Variants in EPHA6 observed in about 807,000 individuals in gnomAD.
The protein encoded by EPHA6 is ephrin type-A receptor 6.
EPHA6 carries 50 observed loss-of-function variants against 112.0 expected under a neutral mutation model. The ratio of observed to expected loss-of-function variants is 0.45; its 90% CI spans 0.36 to 0.56. EPHA6 has a LOEUF of 0.56. EPHA6 is among the 20% of genes least tolerant of loss of function. EPHA6 has a pLI of 0.00. For missense variants in EPHA6, 1,280 were observed against 1,417.4 expected (o/e 0.90, Z 1.56); for synonymous variants, 529 against 490.7 (o/e 1.08, Z -1.03).
intron 5 of EPHA6, among the ~76,000 whole-genome samples, chr3:97,355,330 A>G (rs1352828562): frequency 6.6e-6 from 1 of 152,234 alleles, no homozygotes; most frequent in Non-Finnish European, 1.5e-5. Flanking sequence ...ACAATATAAT[A>G]AGATATAAAT....
chr3:96,840,903 A>G (rs962752698), intron 1 of EPHA6, among the ~76,000 whole-genome samples: 10 of 152,136 alleles, frequency 6.6e-5, no homozygotes, highest in African/African-American at 2.4e-4. Context: ...GGAACCTACC[A>G]GAGCTTTAAA....
At chr3:97,613,618 G>T (rs1425230437) in intron 13 of EPHA6, among the ~76,000 whole-genome samples, 1 of 152,122 alleles carries the variant, frequency 6.6e-6, no homozygotes, top group Non-Finnish European at 1.5e-5. Flanking sequence ...CAGAGGGGCA[G>T]TGTAGTCAAG....
intron 3 of EPHA6, among the ~76,000 whole-genome samples, chr3:97,053,432 A>T (rs563824074): frequency 5.3e-4 from 80 of 152,284 alleles, no homozygotes; most frequent in Middle Eastern, 3.4e-3. Flanking sequence ...AGGAAAGTAT[A>T]GGAATTCCTC....
chr3:97,330,694 A>C (rs527937673), intron 5 of EPHA6, among the ~76,000 whole-genome samples: 14 of 152,242 alleles, frequency 9.2e-5, no homozygotes, highest in African/African-American at 3.4e-4. Context: ...AAGAAGAGCT[A>C]ACTATCCTAA....
At chr3:97,596,164 CA>C (rs2093589161) in intron 12 of EPHA6, among the ~76,000 whole-genome samples, 1 of 152,146 alleles carries the variant, frequency 6.6e-6, no homozygotes, top group African/African-American at 2.4e-5. Context: ...CTCTGCCTCC[CA>C]AAGTGCTGGG....
intron 2 of EPHA6, among the ~76,000 whole-genome samples, chr3:96,896,977 T>G (rs1248794711): frequency 1.3e-5 from 2 of 152,154 alleles, no homozygotes; most frequent in East Asian, 1.9e-4. Flanking sequence ...GGAAAAATTG[T>G]TATGAAAACA....
intron 7 of EPHA6, among the ~76,000 whole-genome samples, chr3:97,461,973 CA>C (rs1488579111): frequency 6.6e-6 from 1 of 152,154 alleles, no homozygotes; most frequent in Non-Finnish European, 1.5e-5. Context: ...CTATGGTAAT[CA>C]AATTACTTAG....
intron 13 of EPHA6, among the ~76,000 whole-genome samples, chr3:97,626,448 G>A (rs1001463253): frequency 6.6e-6 from 1 of 151,816 alleles, no homozygotes; most frequent in African/African-American, 2.4e-5. Context: ...ACTATGGTTT[G>A]TAGAGCATGT....
chr3:97,139,950 T>C (rs1274488256), intron 3 of EPHA6, among the ~76,000 whole-genome samples: 1 of 150,718 alleles, frequency 6.6e-6, no homozygotes, highest in Non-Finnish European at 1.5e-5. Context: ...GGAAAACCAA[T>C]ACAAAGAAAT....
At chr3:96,919,756 G>C (rs1465792304) in intron 2 of EPHA6, among the ~76,000 whole-genome samples, 3 of 151,694 alleles carry the variant, frequency 2.0e-5, no homozygotes, top group African/African-American at 7.3e-5. Context: ...TTTGCTGCAA[G>C]CCTTTTGTGC....
intron 3 of EPHA6, among the ~76,000 whole-genome samples, chr3:97,099,504 T>C (rs1373914388): frequency 4.6e-5 from 7 of 151,940 alleles, no homozygotes; most frequent in African/African-American, 1.7e-4. Flanking sequence ...TGTGATAGTG[T>C]GTTATGTCAG....
chr3:97,585,559 C>A (rs1394334194), intron 11 of EPHA6, among the ~76,000 whole-genome samples: 1 of 152,122 alleles, frequency 6.6e-6, no homozygotes, highest in Non-Finnish European at 1.5e-5. Context: ...TCCTATTTAA[C>A]AAGGGGATGA....
At chr3:97,642,183 G>A (rs1269840700) in intron 14 of EPHA6, among the ~76,000 whole-genome samples, 2 of 107,546 alleles carry the variant, frequency 1.9e-5, no homozygotes, top group Non-Finnish European at 4.0e-5. Flanking sequence ...GGGGCACACT[G>A]ACACCTCACA....
rs201433689 is a variant in EPHA6 at position 96,987,924 on chromosome 3, G to C, written c.1045G>C (p.Asp349His). The C allele has an allele frequency of 1.2e-6, 2 of 1,613,806 alleles. No homozygotes were observed. The highest frequency in any genetic ancestry group is 1.7e-6 in the Non-Finnish European group (2 of 1,179,776). ...TAAACTGTATTGTGGAGCTGATGGA[G>C]ATTGGCTGGTTCCTCTTGGAAGGTG... ...TPKLYCGADG[D>H]WLVPLGRCIC... The change falls in exon 3 of 18, where the codon GAT (aspartate) becomes CAT (histidine). Residue 349 changes from aspartate to histidine, a missense_variant. Asp to His is a moderately conservative substitution (Grantham distance 81). Coordinates refer to ENST00000389672, the MANE Select transcript of EPHA6 (RefSeq NM_001080448.3).
chr3:97,112,935 A>G (rs1402283717), intron 3 of EPHA6, among the ~76,000 whole-genome samples: 1 of 152,086 alleles, frequency 6.6e-6, no homozygotes, highest in Non-Finnish European at 1.5e-5. Context: ...TTGTTTTTCT[A>G]TCAGGTCATG....
At chr3:97,736,288 A>G (rs143104618) in intron 16 of EPHA6, among the ~76,000 whole-genome samples, 170 bp downstream of exon 16, 179 of 152,182 alleles carry the variant, frequency 1.2e-3, no homozygotes, top group African/African-American at 4.2e-3. Flanking sequence ...TATTAACATT[A>G]AAGTAAAAAT....
intron 3 of EPHA6, among the ~76,000 whole-genome samples, chr3:97,133,776 A>G (rs902148612): frequency 3.9e-5 from 6 of 152,018 alleles, no homozygotes; most frequent in Non-Finnish European, 7.4e-5. Context: ...TGAGAATATC[A>G]TATGAATCCC....
chr3:97,703,992 C>T (rs1408828806), intron 14 of EPHA6, among the ~76,000 whole-genome samples: 1 of 151,896 alleles, frequency 6.6e-6, no homozygotes, highest in Non-Finnish European at 1.5e-5. Flanking sequence ...TTCCTTCTTG[C>T]CCTTCAGGTA....
chr3:97,197,848 T>C (rs2077480459), intron 3 of EPHA6, among the ~76,000 whole-genome samples: 1 of 152,076 alleles, frequency 6.6e-6, no homozygotes, highest in African/African-American at 2.4e-5. Flanking sequence ...ACTCAGGCTC[T>C]GACTCCCAGA....
Sources: allele counts gnomAD v4.1 joint callset (sites outside exome capture counted in the v4.1 genomes callset), GRCh38; gene constraint gnomAD v4.1.1; transcripts MANE v1.5; gene names NCBI Gene and HGNC (gene_info 2026-07-23, HGNC 2026-07-21).